CAST: variants seen among roughly 807,000 people sequenced by gnomAD.
The protein encoded by CAST is calpastatin, also known as MIR583 host.
Under a neutral mutation model 119.6 loss-of-function variants are expected in CAST, and 76 were observed. That is an observed-to-expected ratio of 0.64 (90% CI 0.53 to 0.77). The LOEUF (loss-of-function observed/expected upper bound fraction) is 0.77, where lower values mean the gene tolerates loss of function less well. Ranked by LOEUF, CAST falls within the 30% of genes least tolerant of loss-of-function variation. The pLI, the probability that CAST is intolerant of heterozygous loss-of-function variation, is 0.00. For missense variants in CAST, 953 were observed against 946.5 expected, an observed-to-expected ratio of 1.01 and a Z score of -0.09; for synonymous variants, 319 against 331.6, an observed-to-expected ratio of 0.96 and a Z score of 0.41.
chr5:96,043,512 G>C, the CAST span, among the ~76,000 whole-genome samples: 1 of 152,082 alleles, frequency 6.6e-6, no homozygotes, highest in East Asian at 1.9e-4. Context: ...GAGGTAGGGT[G>C]GTTCCTGGCT....
chr5:96,662,364 G>A, upstream of CAST: 1 of 957,830 alleles, frequency 1.0e-6, no homozygotes, highest in Non-Finnish European at 1.3e-6. Flanking sequence ...CTCCCCGCCA[G>A]GCCTCCCCGC....
At chr5:96,622,752 T>C (rs1046628481) in intron 1 of CAST, among the ~76,000 whole-genome samples, 2 of 152,072 alleles carry the variant, frequency 1.3e-5, no homozygotes, top group Non-Finnish European at 2.9e-5. Flanking sequence ...TATAAGAGAG[T>C]TTAATAATTC....
At chr5:96,244,266 AAAGAG>A in the CAST span, among the ~76,000 whole-genome samples, 1 of 152,222 alleles carries the variant, frequency 6.6e-6, no homozygotes, top group Non-Finnish European at 1.5e-5. Flanking sequence ...TTTGATAAAT[AAAGAG>A]AAGATTTCAG....
At chr5:96,271,979 A>G in the CAST span, among the ~76,000 whole-genome samples, 1 of 152,242 alleles carries the variant, frequency 6.6e-6, no homozygotes, top group Non-Finnish European at 1.5e-5. Flanking sequence ...TCAATAGAAG[A>G]CATACAAATG....
the CAST span, among the ~76,000 whole-genome samples, chr5:96,446,910 A>G: frequency 6.6e-6 from 1 of 152,236 alleles, no homozygotes; most frequent in African/African-American, 2.4e-5. Flanking sequence ...TAGAGAAGAA[A>G]GAGGGTTACT....
the CAST span, among the ~76,000 whole-genome samples, chr5:96,504,835 C>T: frequency 3.9e-5 from 6 of 152,162 alleles, no homozygotes; most frequent in African/African-American, 1.4e-4. Flanking sequence ...TGTTGTTTTG[C>T]CATTTCTAGA....
chr5:96,380,231 A>G, the CAST span, among the ~76,000 whole-genome samples: 1 of 152,138 alleles, frequency 6.6e-6, no homozygotes, highest in Non-Finnish European at 1.5e-5. Context: ...GTTACACCAA[A>G]CTGTACTAGA....
At chr5:96,635,988 T>C (rs1026511503) in intron 1 of CAST, among the ~76,000 whole-genome samples, 4 of 152,216 alleles carry the variant, frequency 2.6e-5, no homozygotes, top group African/African-American at 9.6e-5. Flanking sequence ...AATACAGCCA[T>C]GTGGAAGAAG....
intron 2 of CAST, among the ~76,000 whole-genome samples, chr5:96,685,824 A>G (rs750569281): frequency 2.2e-4 from 34 of 152,348 alleles, no homozygotes; most frequent in African/African-American, 7.7e-4. Context: ...ATTTTTGCCA[A>G]TCACTCCAGG....
chr5:96,677,135 A>G (rs1311366789), intron 2 of CAST, among the ~76,000 whole-genome samples: 5 of 152,194 alleles, frequency 3.3e-5, no homozygotes, highest in Non-Finnish European at 5.9e-5. Flanking sequence ...TAAGTTATTT[A>G]TCAAATTAAT....
chr5:96,346,698 A>G, the CAST span, among the ~76,000 whole-genome samples: 1 of 152,086 alleles, frequency 6.6e-6, no homozygotes, highest in Admixed American at 6.6e-5. Flanking sequence ...AACTGTTCCA[A>G]TCTCTATCAA....
the CAST span, among the ~76,000 whole-genome samples, chr5:96,085,228 T>TA: frequency 5.6e-4 from 85 of 151,390 alleles, 1 homozygote; most frequent in South Asian, 0.017. Flanking sequence ...GTCTATCAAT[T>TA]AAAAAAAAAT....
chr5:96,363,807 C>G, the CAST span, among the ~76,000 whole-genome samples: 1 of 152,094 alleles, frequency 6.6e-6, no homozygotes, highest in Admixed American at 6.5e-5. Context: ...TACCTCTTTT[C>G]CTAATTGAAT....
chr5:96,033,406 A>G, the CAST span, among the ~76,000 whole-genome samples: 4 of 152,204 alleles, frequency 2.6e-5, no homozygotes, highest in Non-Finnish European at 4.4e-5. Flanking sequence ...AATATACTAC[A>G]AAGGTATGGT....
chr5:96,488,780 A>G, the CAST span, among the ~76,000 whole-genome samples: 1,271 of 152,286 alleles, frequency 8.3e-3, 18 homozygotes, highest in South Asian at 0.022. Context: ...TTCTCTTCCC[A>G]ATGTCCTGGC....
the CAST span, among the ~76,000 whole-genome samples, chr5:95,990,331 T>C: frequency 6.6e-6 from 1 of 152,130 alleles, no homozygotes; most frequent in African/African-American, 2.4e-5. Context: ...ATAGGAGATA[T>C]AGGGAGTTTA....
rs79291246 is a variant in CAST at position 96,747,443 on chromosome 5, G to A, written c.1332+51G>A. ...ACTTAAAGAACAATAGACATGTAAAGTATGAATTAAGATAATTTTGACAGT... is the reference window on the plus strand; with the variant it reads ...ACTTAAAGAACAATAGACATGTAAAATATGAATTAAGATAATTTTGACAGT... On this transcript the variant is annotated intron_variant, in intron 18 of 31. Transcript: ENST00000675179. 1,789 of 1,163,704 alleles carry A rather than the reference G, an allele frequency of 1.5e-3. 20 individuals are homozygous for A. In the African/African-American group the frequency reaches 0.024, roughly 15 times the overall value. 72.1% of individuals were successfully genotyped at this position (1,163,704 alleles called of 1,614,324 possible).
the CAST span, among the ~76,000 whole-genome samples, chr5:96,244,106 C>T: frequency 6.6e-6 from 1 of 152,214 alleles, no homozygotes; most frequent in Admixed American, 6.5e-5. Context: ...CCCTTAGTTC[C>T]TCTACCTTGA....
chr5:96,569,767 T>C (rs1449151400), intron 1 of CAST, among the ~76,000 whole-genome samples: 1 of 152,236 alleles, frequency 6.6e-6, no homozygotes, highest in African/African-American at 2.4e-5. Flanking sequence ...TATCTTATGG[T>C]GCCTAGAAAA....
Sources: allele counts gnomAD v4.1 joint callset (sites outside exome capture counted in the v4.1 genomes callset), GRCh38; gene constraint gnomAD v4.1.1; transcripts MANE v1.5; gene names NCBI Gene and HGNC (gene_info 2026-07-23, HGNC 2026-07-21).